The following TPCN2 variants were observed in gnomAD, a reference collection of about 807,000 sequenced individuals.
TPCN2 encodes two pore segment channel 2, also known as two pore channel protein 2.
In TPCN2, 92 loss-of-function variants were observed where a neutral mutation model predicts 111.4. That is an observed-to-expected ratio of 0.83 (90% CI 0.70 to 0.98). TPCN2 has a LOEUF of 0.98. Ranked by LOEUF, TPCN2 falls within the 50% of genes least tolerant of loss-of-function variation. TPCN2 has a pLI of 0.00. For missense variants in TPCN2, 995 were observed against 980.1 expected (o/e 1.02, Z -0.20); for synonymous variants, 405 against 414.5 (o/e 0.98, Z 0.28).
chr11:69,086,535 C>G lies in TPCN2; in HGVS notation c.2016C>G (p.Ile672Met). Residue 672 changes from isoleucine (I) to methionine (M), a missense_variant, in exon 23 of 25, where the codon ATC becomes ATG. By Grantham distance (10) the Ile-to-Met change is conservative. Coordinates refer to ENST00000294309, the MANE Select transcript of TPCN2 (RefSeq NM_139075.4). ...CTGTCCTCCGCAGGTGGTCCAAGAT[C>G]TATTTTGTATTGTGGTGGCTGGTGT... Reference protein sequence around the residue: ...YRRYSGPWSKIYFVLWWLVSS... With the variant: ...YRRYSGPWSKMYFVLWWLVSS... The G allele has an allele frequency of 6.2e-7, 1 of 1,614,158 alleles. No homozygotes were observed. Among genetic ancestry groups the G allele is most frequent in the Non-Finnish European group, 8.5e-7 (1 of 1,180,008 alleles).
chr11:69,064,382 G>C (rs1293844570), intron 7 of TPCN2, among the ~76,000 whole-genome samples: 1 of 147,934 alleles, frequency 6.8e-6, no homozygotes, highest in African/African-American at 2.5e-5. Context: ...CATCCTTCCT[G>C]ACAACCAGGC....
chr11:69,080,101 C>T (rs151055002), intron 17 of TPCN2, among the ~76,000 whole-genome samples: 7 of 152,348 alleles, frequency 4.6e-5, no homozygotes, highest in Admixed American at 2.0e-4. Context: ...GCTGGCACCC[C>T]GCAGGCTGTG....
At chr11:69,064,070 G>C in intron 7 of TPCN2, 103 bp downstream of exon 7, 4 of 1,163,104 alleles carry the variant, frequency 3.4e-6, no homozygotes, top group Non-Finnish European at 5.1e-6. Flanking sequence ...CCCATGTGCG[G>C]ACTCTGTCCA....
chr11:69,079,269 C>T, intron 16 of TPCN2: 1 of 527,212 alleles, frequency 1.9e-6, no homozygotes, highest in Non-Finnish European at 3.3e-6. Flanking sequence ...CTCCCGACCC[C>T]CAGGGGAAGC....
chr11:69,086,246 A>G (rs1277191472), intron 22 of TPCN2, among the ~76,000 whole-genome samples: 1 of 152,184 alleles, frequency 6.6e-6, no homozygotes, highest in Non-Finnish European at 1.5e-5. Context: ...GAGATAGTTC[A>G]GCTCTGAGCT....
chr11:69,059,082 C>A (rs12294873), intron 5 of TPCN2, among the ~76,000 whole-genome samples: 43 of 152,230 alleles, frequency 2.8e-4, no homozygotes, highest in African/African-American at 1.0e-3. Context: ...TTCGCCTCCG[C>A]CAGCTCCCCA....
chr11:69,085,802 C>A lies in TPCN2; in HGVS notation c.1921-46C>A, dbSNP rs756453360. On this transcript the variant is annotated intron_variant, in intron 21 of 24. Transcript: ENST00000294309. ...ACCCTGCTCCCCGGGCTCCTCCCCTCCCTACCTCCTGGGCCCTCCTGGACC... is the reference window on the plus strand; with the variant it reads ...ACCCTGCTCCCCGGGCTCCTCCCCTACCTACCTCCTGGGCCCTCCTGGACC... The A allele has an allele frequency of 1.9e-6, 3 of 1,613,066 alleles. No individual in the cohort carries two copies. In the Admixed American group the frequency reaches 5.0e-5, roughly 27 times the overall value.
In TPCN2 at chr11:69,088,032, C is replaced by A. The variant is rs937518912; in HGVS notation, c.*79C>A. 1 of 1,289,808 alleles carries A rather than the reference C, an allele frequency of 7.8e-7. No homozygotes were observed. The highest frequency in any genetic ancestry group is 1.1e-6 in the Non-Finnish European group (1 of 932,098). The allele number at this position is 1,289,808 out of a possible 1,614,324, so 79.9% of individuals were successfully genotyped here. ...AGGTGCCCGTCATGGAAGAGGCGGC[C>A]ATGCTGTGGCCAGCCAGGCAGGAAG... On this transcript the variant is annotated 3_prime_UTR_variant, in exon 25 of 25. Coordinates refer to ENST00000294309, the MANE Select transcript of TPCN2 (RefSeq NM_139075.4).
intron 13 of TPCN2, among the ~76,000 whole-genome samples, chr11:69,077,246 C>T (rs112798159): frequency 2.2e-4 from 15 of 69,502 alleles, no homozygotes; most frequent in East Asian, 4.6e-4. Context: ...ACCTGCCCTC[C>T]TGCCACGTCC....
At chr11:69,071,786 C>T in intron 10 of TPCN2, 137 bp from the exon 11 acceptor site, 1 of 745,098 alleles carries the variant, frequency 1.3e-6, no homozygotes, top group South Asian at 1.7e-5. Flanking sequence ...AGGGGCTGCC[C>T]CCAGGCTGTG....
chr11:69,056,610 T>C (rs1035853514), intron 4 of TPCN2, among the ~76,000 whole-genome samples: 3 of 152,188 alleles, frequency 2.0e-5, no homozygotes, highest in African/African-American at 7.2e-5. Flanking sequence ...CTTGGCTCAC[T>C]GCAACCTCCG....
At chr11:69,058,447 G>C (rs558595511) in intron 5 of TPCN2, among the ~76,000 whole-genome samples, 2 of 152,104 alleles carry the variant, frequency 1.3e-5, no homozygotes, top group African/African-American at 4.8e-5. Context: ...CTTGCCCTCT[G>C]TCCTCTGGGA....
chr11:69,059,725 T>C (rs1241794597), intron 5 of TPCN2, among the ~76,000 whole-genome samples: 1 of 152,210 alleles, frequency 6.6e-6, no homozygotes, highest in Admixed American at 6.5e-5. Flanking sequence ...CCTGGGATGG[T>C]GCTGGGAGAG....
Position 69,057,698 on chromosome 11 carries a change from G to A in TPCN2, c.546+4G>A, listed in dbSNP as rs200402849. ...CCTGAGTCTCGTGTGTCATGAGGTA[G>A]GTGGTGAGGCAGCCCTGAGACAGAT... On this transcript the variant is annotated splice_donor_region_variant and intron_variant, in intron 5 of 24. Coordinates refer to ENST00000294309, the MANE Select transcript of TPCN2 (RefSeq NM_139075.4). 1 of 1,613,350 alleles carries A rather than the reference G, an allele frequency of 6.2e-7. No homozygotes were observed. The highest frequency in any genetic ancestry group is 8.5e-7 in the Non-Finnish European group (1 of 1,179,240).
chr11:69,071,615 C>A (rs965900778), intron 10 of TPCN2, among the ~76,000 whole-genome samples, 195 bp downstream of exon 10: 4 of 152,222 alleles, frequency 2.6e-5, no homozygotes, highest in African/African-American at 9.6e-5. Context: ...GATGGCAACT[C>A]CCAGGACAGC....
intron 1 of TPCN2, 148 bp downstream of exon 1, chr11:69,049,254 C>A (rs972192049): frequency 2.1e-6 from 1 of 473,386 alleles, no homozygotes; most frequent in Non-Finnish European, 3.4e-6. Flanking sequence ...GGGTGCCAGG[C>A]GAGCCGGTGT....
At chr11:69,064,472 C>T (rs1855175066) in intron 7 of TPCN2, among the ~76,000 whole-genome samples, 1 of 152,210 alleles carries the variant, frequency 6.6e-6, no homozygotes, top group Admixed American at 6.5e-5. Flanking sequence ...ACGCCCTCTC[C>T]TGCCACTAGT....
chr11:69,052,067 C>T (rs1048124402), intron 1 of TPCN2, among the ~76,000 whole-genome samples: 1 of 152,118 alleles, frequency 6.6e-6, no homozygotes, highest in Non-Finnish European at 1.5e-5. Flanking sequence ...AAACCAGCAA[C>T]CAAAAAGCCA....
chr11:69,064,278 T>G (rs1855160166), intron 7 of TPCN2, among the ~76,000 whole-genome samples: 1 of 93,668 alleles, frequency 1.1e-5, no homozygotes, highest in Non-Finnish European at 2.4e-5. Context: ...CCTTCCCACT[T>G]CCCTCCCCCC....
Sources: gnomAD v4.1 joint callset for allele counts (sites outside exome capture counted in the v4.1 genomes callset) on GRCh38, gnomAD v4.1.1 for gene constraint, MANE v1.5 for transcripts, NCBI Gene and HGNC (gene_info 2026-07-23, HGNC 2026-07-21) for gene names.